The following ARID1A variants were observed in gnomAD, a reference collection of about 807,000 sequenced individuals.
ARID1A encodes the protein AT-rich interactive domain-containing protein 1A.
ARID1A carries 20 observed loss-of-function variants against 212.6 expected under a neutral mutation model. That is an observed-to-expected ratio of 0.09 (90% CI 0.07 to 0.14). The LOEUF (loss-of-function observed/expected upper bound fraction) is 0.14, where lower values mean the gene tolerates loss of function less well. ARID1A is among the 10% of genes least tolerant of loss of function. The pLI is 1.00. For synonymous variants in ARID1A, 1,376 were observed against 1,222.1 expected (o/e 1.13, Z -2.63); for missense variants, 2,587 against 3,059.0 (o/e 0.85, Z 3.64).
At chr1:26,705,470 G>A (rs1380494718) in intron 1 of ARID1A, among the ~76,000 whole-genome samples, 2 of 149,798 alleles carry the variant, frequency 1.3e-5, no homozygotes, top group African/African-American at 4.9e-5. Context: ...CTCAAGTAAT[G>A]GTCCATGACC....
intron 10 of ARID1A, among the ~76,000 whole-genome samples, chr1:26,767,171 T>C (rs1557611669): frequency 6.6e-6 from 1 of 152,230 alleles, no homozygotes; most frequent in Non-Finnish European, 1.5e-5. Context: ...AAATCATAGC[T>C]GTTAATTCCT....
At position 26,763,586 on chromosome 1, in the gene ARID1A, A is replaced by G. The variant is rs1241830524; in HGVS notation, c.2732+301A>G. Among the ~76,000 whole-genome samples, 6 of 152,218 alleles carry G rather than the reference A, an allele frequency of 3.9e-5. No individual in the cohort carries two copies. The South Asian group carries it at 8.3e-4, about 21-fold the overall frequency. On this transcript the variant is annotated intron_variant, in intron 8 of 19. Coordinates refer to ENST00000324856, the MANE Select transcript of ARID1A (RefSeq NM_006015.6). ...AGAAATCAAGACCAGCCTGATCAAC[A>G]TGGTGAAACCCCGTCTGTACTAAAA...
At chr1:26,770,369 A>G (rs2124093337) in intron 11 of ARID1A, 1 of 152,242 alleles carries the variant, frequency 6.6e-6, no homozygotes, top group Middle Eastern at 3.4e-3. Context: ...ATATGAGTAA[A>G]TCCCAAGTTT....
intron 1 of ARID1A, among the ~76,000 whole-genome samples, chr1:26,718,255 G>C (rs1031664386): frequency 1.3e-5 from 2 of 152,226 alleles, no homozygotes; most frequent in Non-Finnish European, 2.9e-5. Context: ...GATTACAGGC[G>C]TGAGCCACCG....
At chr1:26,767,627 T>G (rs2081050732) in intron 10 of ARID1A, among the ~76,000 whole-genome samples, 163 bp from the exon 11 acceptor site, 1 of 152,152 alleles carries the variant, frequency 6.6e-6, no homozygotes, top group South Asian at 2.1e-4. Context: ...AAAAAAAAAT[T>G]TGGTTCTCTT....
In ARID1A at chr1:26,771,211, C is replaced by T. The variant is rs772237007; in HGVS notation, c.3291C>T (p.Ile1097=). 1 of 1,614,170 alleles carries T rather than the reference C, an allele frequency of 6.2e-7. No individual in the cohort carries two copies. The highest frequency in any genetic ancestry group is 1.1e-5 in the South Asian group (1 of 91,080). Residue 1097 remains isoleucine, a synonymous_variant, in exon 12 of 20, where the codon ATC becomes ATT. Coordinates refer to ENST00000324856, the MANE Select transcript of ARID1A (RefSeq NM_006015.6). This position sits in a 1 kb window ranked among gnomAD's most constrained non-coding sequence, Gnocchi z 5.4. ...CCAGCTCCTTGAAAAAGCAGTATAT[C>T]CAGTGTCTCTATGCCTTTGAATGCA... The part of the protein sequence containing the change: ...SAASSLKKQY[I]QCLYAFECKI...
At chr1:26,767,754 G>T (rs2124085559) in intron 10 of ARID1A, 36 bp from the exon 11 acceptor site, 2 of 1,557,406 alleles carry the variant, frequency 1.3e-6, no homozygotes, top group South Asian at 2.3e-5. Context: ...CTTTGAATCT[G>T]ACCCATTCCT....
At chr1:26,777,413 TGA>T (rs2081146857) in intron 19 of ARID1A, among the ~76,000 whole-genome samples, 1 of 150,236 alleles carries the variant, frequency 6.7e-6, no homozygotes, top group South Asian at 2.1e-4. Context: ...TTTTTTTTTT[TGA>T]GAGATGAGGC....
intron 1 of ARID1A, among the ~76,000 whole-genome samples, chr1:26,710,370 G>T (rs1450530698): frequency 7.4e-6 from 1 of 134,370 alleles, no homozygotes; most frequent in Admixed American, 7.4e-5. Flanking sequence ...GGAGGCAGAG[G>T]TTGCAGTGAG....
At chr1:26,727,005 C>A (rs2080625665) in intron 1 of ARID1A, among the ~76,000 whole-genome samples, 1 of 152,200 alleles carries the variant, frequency 6.6e-6, no homozygotes. Context: ...TGGGCATGTA[C>A]AGTATGTGGG....
intron 1 of ARID1A, among the ~76,000 whole-genome samples, chr1:26,703,003 AG>A (rs2080345604): frequency 6.6e-6 from 1 of 152,222 alleles, no homozygotes; most frequent in Admixed American, 6.5e-5. Context: ...ATTAGAAAGG[AG>A]AAAAAAGATA....
Position 26,696,076 on chromosome 1 carries a change from C to A in ARID1A, c.-328C>A. 6.1e-6 allele frequency: 3 copies of A among 490,434 alleles called. No individual in the cohort carries two copies. The highest frequency in any genetic ancestry group is 8.2e-6 in the Non-Finnish European group (3 of 363,742). The allele number at this position is 490,434 out of a possible 1,614,324, so 30.4% of individuals were successfully genotyped here. On this transcript the variant is annotated 5_prime_UTR_variant, in exon 1 of 20. Coordinates refer to ENST00000324856, the MANE Select transcript of ARID1A (RefSeq NM_006015.6). ...CGGGGCCAGGCCCTGGGGAGCGGAGCCTCCACCGCCCCCCTCATTCCCAGG... is the reference window on the plus strand; with the variant it reads ...CGGGGCCAGGCCCTGGGGAGCGGAGACTCCACCGCCCCCCTCATTCCCAGG...
chr1:26,698,628 C>T (rs780872635), intron 1 of ARID1A, among the ~76,000 whole-genome samples: 9 of 152,188 alleles, frequency 5.9e-5, no homozygotes, highest in Non-Finnish European at 1.2e-4. Context: ...GTTGTCAGAA[C>T]AGTAGCTGAG....
At chr1:26,709,129 A>T (rs1379094070) in intron 1 of ARID1A, among the ~76,000 whole-genome samples, 4 of 152,162 alleles carry the variant, frequency 2.6e-5, no homozygotes, top group Non-Finnish European at 5.9e-5. Flanking sequence ...TAGGTAAGTC[A>T]CTTCTCTGAA....
At chr1:26,753,556 T>C (rs2080902978) in intron 4 of ARID1A, among the ~76,000 whole-genome samples, 1 of 152,230 alleles carries the variant, frequency 6.6e-6, no homozygotes. Context: ...GCATGGTAGA[T>C]GAGCAATAAA....
At chr1:26,769,946 G>C (rs775223383) in intron 11 of ARID1A, 1 of 152,478 alleles carries the variant, frequency 6.6e-6, no homozygotes, top group East Asian at 1.9e-4. Context: ...AGGCGCAGTG[G>C]CTCACACCTG....
Position 26,781,901 on chromosome 1 carries a change from A to C in ARID1A, c.*1145A>C, listed in dbSNP as rs914796227. The C allele has an allele frequency of 2.1e-5, 5 of 233,560 alleles. No homozygotes were observed. The highest frequency in any genetic ancestry group is 8.8e-5 in the African/African-American group (4 of 45,336). The allele number at this position is 233,560 out of a possible 1,614,324, so 14.5% of individuals were successfully genotyped here. On this transcript the variant is annotated 3_prime_UTR_variant, in exon 20 of 20. Coordinates refer to ENST00000324856, the MANE Select transcript of ARID1A (RefSeq NM_006015.6). ...CGAGGTGTGAAAAAGTTCTAGGTTC[A>C]GTTGAAGTTCTGATGAAGAAACACA... is the stretch of plus-strand genomic sequence containing the variant.
chr1:26,751,159 G>T (rs553210069), intron 4 of ARID1A, among the ~76,000 whole-genome samples: 1 of 152,148 alleles, frequency 6.6e-6, no homozygotes, highest in East Asian at 1.9e-4. Context: ...GGAGGCTGAG[G>T]CAGGAGAATC....
At position 26,780,762 on chromosome 1, in the gene ARID1A, G is replaced by A. The variant is rs761262959; in HGVS notation, c.*6G>A. ...TTTTGATTGGCCAGTCATGACAGCC[G>A]TGGGACACCTCCCCCCCCCGTGTGT... On this transcript the variant is annotated 3_prime_UTR_variant, in exon 20 of 20. Coordinates refer to ENST00000324856, the MANE Select transcript of ARID1A (RefSeq NM_006015.6). The surrounding 1 kb of genome is among the most constrained non-coding windows in gnomAD (Gnocchi z 7.2). 7.1e-6 allele frequency: 11 copies of A among 1,550,974 alleles called. No homozygotes were observed. Among genetic ancestry groups the A allele is most frequent in the African/African-American group, 1.3e-5 (1 of 74,152 alleles).
Sources: allele counts gnomAD v4.1 joint callset (sites outside exome capture counted in the v4.1 genomes callset), GRCh38; gene constraint gnomAD v4.1.1; non-coding constraint Gnocchi (gnomAD v3.1); transcripts MANE v1.5; gene names NCBI Gene and HGNC (gene_info 2026-07-23, HGNC 2026-07-21).